PIP5K1A: variants seen among roughly 807,000 people sequenced by gnomAD.
PIP5K1A encodes phosphatidylinositol 4-phosphate 5-kinase type-1 alpha.
PIP5K1A carries 46 observed loss-of-function variants against 72.9 expected under a neutral mutation model. The ratio of observed to expected loss-of-function variants is 0.63; its 90% CI spans 0.50 to 0.81. The LOEUF (loss-of-function observed/expected upper bound fraction) is 0.81. Among genes scored for constraint, PIP5K1A ranks in the 30% least tolerant of loss-of-function variants. The probability of loss-of-function intolerance (pLI) is 0.00; values close to 1 mark genes in which losing one functional copy is unlikely to be tolerated. For missense variants in PIP5K1A, 458 were observed against 706.1 expected (o/e 0.65, Z 3.98); for synonymous variants, 228 against 255.1 (o/e 0.89, Z 1.01).
chr1:151,200,987 G>A (rs182272569), intron 1 of PIP5K1A, among the ~76,000 whole-genome samples: 48 of 152,046 alleles, frequency 3.2e-4, no homozygotes, highest in African/African-American at 1.1e-3. Context: ...CCACCACCAC[G>A]CCTGGCTAAT....
chr1:151,240,085 C>T, intron 12 of PIP5K1A, 46 bp downstream of exon 12: 2 of 1,369,704 alleles, frequency 1.5e-6, no homozygotes, highest in Non-Finnish European at 2.1e-6. Flanking sequence ...CCCAGTGGCT[C>T]CCTTACCCCA....
chr1:151,234,636 T>A, intron 8 of PIP5K1A, 140 bp downstream of exon 8: 2 of 649,880 alleles, frequency 3.1e-6, no homozygotes, highest in Non-Finnish European at 5.4e-6. Flanking sequence ...TCTTAATTAG[T>A]TCATTGCCAT....
At chr1:151,232,396 T>C (rs1558282427) in intron 6 of PIP5K1A, 31 bp downstream of exon 6, 1 of 1,524,394 alleles carries the variant, frequency 6.6e-7, no homozygotes. Flanking sequence ...ACACTGTGAC[T>C]CCAGTATCAG....
Position 151,239,988 on chromosome 1 carries a change from G to C in PIP5K1A, c.1312G>C (p.Ala438Pro), listed in dbSNP as rs772649098. 1 of 1,613,048 alleles carries C rather than the reference G, an allele frequency of 6.2e-7. No individual in the cohort carries two copies. Among genetic ancestry groups the C allele is most frequent in the Non-Finnish European group, 8.5e-7 (1 of 1,179,460 alleles). The change falls in exon 12 of 16, where the codon GCT (alanine) becomes CCT (proline). Residue 438 changes from alanine to proline, a missense_variant. By Grantham distance (27) the Ala-to-Pro change is conservative. Transcript: ENST00000368888. ...CTCAGTGCATCGCCCAGGCTTCTAC[G>C]CTGAACGGTTCCAGCGCTTCATGTG... ...TVSVHRPGFY[A>P]ERFQRFMCNT...
At chr1:151,205,792 C>T (rs1007047558) in intron 1 of PIP5K1A, among the ~76,000 whole-genome samples, 4 of 151,702 alleles carry the variant, frequency 2.6e-5, no homozygotes, top group African/African-American at 7.2e-5. Context: ...AGCAAGACTC[C>T]GTCTCAAAAA....
intron 1 of PIP5K1A, among the ~76,000 whole-genome samples, chr1:151,208,787 C>T (rs181309899): frequency 1.7e-5 from 2 of 118,544 alleles, no homozygotes; most frequent in East Asian, 2.8e-4. Flanking sequence ...GGCTGGGGTG[C>T]ACTGGTGCAA....
At position 151,231,562 on chromosome 1, in the gene PIP5K1A, TA is replaced by T. The variant is rs1488884354; in HGVS notation, c.238-106del. The T allele has an allele frequency of 5.4e-6, 5 of 932,546 alleles. No individual in the cohort carries two copies. In the East Asian group the frequency reaches 1.3e-4, roughly 23 times the overall value. 57.8% of individuals were successfully genotyped at this position (932,546 alleles called of 1,614,324 possible). On this transcript the variant is annotated intron_variant, in intron 4 of 15. Coordinates refer to ENST00000368888, the MANE Select transcript of PIP5K1A (RefSeq NM_001135638.2). ...GTTTTATCTGAACTATTGCTCAGAC[TA>T]AAGGATGTTTGTTTTAAAGTGTTCC...
chr1:151,240,258 A>AG (rs1691498397), intron 12 of PIP5K1A: 2 of 532,084 alleles, frequency 3.8e-6, no homozygotes, highest in Non-Finnish European at 6.6e-6. Flanking sequence ...TATGTCAATG[A>AG]GGTGAGGACC....
In PIP5K1A at chr1:151,242,435, C is replaced by T; in HGVS notation, c.1511-3C>T. ...TACCCCATCTTCTCTATCTTTTTTC[C>T]AGGCGTTCACCTTGGTCGTCCTGAT... On this transcript the variant is annotated splice_region_variant and splice_polypyrimidine_tract_variant and intron_variant, in intron 13 of 15. Transcript: ENST00000368888. 6.2e-7 allele frequency: 1 copy of T among 1,612,916 alleles called. No homozygotes were observed. The highest frequency in any genetic ancestry group is 1.3e-5 in the African/African-American group (1 of 74,860).
At chr1:151,216,613 C>G (rs1311239961) in intron 1 of PIP5K1A, among the ~76,000 whole-genome samples, 2 of 152,088 alleles carry the variant, frequency 1.3e-5, no homozygotes, top group African/African-American at 4.8e-5. Context: ...AAACCAGTCT[C>G]AACTCTTTTC....
intron 1 of PIP5K1A, among the ~76,000 whole-genome samples, chr1:151,208,064 G>T (rs1686197716): frequency 6.6e-6 from 1 of 151,622 alleles, no homozygotes; most frequent in Non-Finnish European, 1.5e-5. Context: ...TCTCCATGTT[G>T]GGTCAGGCTG....
At position 151,198,709 on chromosome 1, in the gene PIP5K1A, C is replaced by T. The variant is rs1684774932; in HGVS notation, c.-288C>T. 1 of 472,744 alleles carries T rather than the reference C, an allele frequency of 2.1e-6. No individual in the cohort carries two copies. Among genetic ancestry groups the T allele is most frequent in the Non-Finnish European group, 3.8e-6 (1 of 260,332 alleles). The allele number at this position is 472,744 out of a possible 1,614,324, so 29.3% of individuals were successfully genotyped here. A position where few individuals can be genotyped will look rare whatever the true frequency, so the allele number is the denominator to read the frequency against. ...GGTCTGGGCGCAAGGTCCCAGCAGC[C>T]AGCTTAAGCTTACTCTTCTGTGAAA... On this transcript the variant is annotated 5_prime_UTR_variant, in exon 1 of 16. The change creates a premature stop within an existing upstream ORF in the 5' untranslated region. Transcript: ENST00000368888.
At chr1:151,231,577 T>C (rs1690079104) in intron 4 of PIP5K1A, 94 bp from the exon 5 acceptor site, 4 of 1,119,988 alleles carry the variant, frequency 3.6e-6, no homozygotes, top group Middle Eastern at 2.8e-4. Flanking sequence ...GATGTTTGTT[T>C]TAAAGTGTTC....
chr1:151,205,471 G>A (rs1317450488), intron 1 of PIP5K1A, among the ~76,000 whole-genome samples: 1 of 151,848 alleles, frequency 6.6e-6, no homozygotes, highest in Non-Finnish European at 1.5e-5. Context: ...CTACTGCCCG[G>A]CCTCTCTCCT....
intron 9 of PIP5K1A, 75 bp from the exon 10 acceptor site, chr1:151,238,107 G>C: frequency 2.3e-6 from 2 of 853,984 alleles, no homozygotes; most frequent in Non-Finnish European, 4.0e-6. Context: ...GTTATGTGTA[G>C]GTTTCACTTC....
intron 1 of PIP5K1A, among the ~76,000 whole-genome samples, chr1:151,216,383 G>A (rs2102252276): frequency 6.6e-6 from 1 of 151,090 alleles, no homozygotes; most frequent in East Asian, 1.9e-4. Flanking sequence ...CAGACTTCTT[G>A]GAGTGGTAGT....
rs190842674 is a variant in PIP5K1A at position 151,236,787 on chromosome 1, G to A, written c.1145+24G>A. On this transcript the variant is annotated intron_variant, in intron 9 of 15. Transcript: ENST00000368888. ...CAGTAAGTGGGCTCAGGGCCACTAG[G>A]GGGGAGAACATAGGCCCACAGCACT... 1.1e-4 allele frequency: 165 copies of A among 1,531,418 alleles called. No individual in the cohort carries two copies. The East Asian group carries it at 1.6e-3, about 15-fold the overall frequency. The allele number at this position is 1,531,418 out of a possible 1,614,324, so 94.9% of individuals were successfully genotyped here.
intron 1 of PIP5K1A, among the ~76,000 whole-genome samples, chr1:151,203,816 C>G (rs1027132785): frequency 6.8e-6 from 1 of 147,942 alleles, no homozygotes; most frequent in African/African-American, 2.5e-5. Flanking sequence ...GAGTGAGACT[C>G]TGTCTCAAAA....
At chr1:151,199,951 G>A (rs1684982221) in intron 1 of PIP5K1A, among the ~76,000 whole-genome samples, 1 of 151,904 alleles carries the variant, frequency 6.6e-6, no homozygotes, top group African/African-American at 2.4e-5. Flanking sequence ...CCTTAGGGCC[G>A]CACAGGCACA....
Sources: allele counts gnomAD v4.1 joint callset (sites outside exome capture counted in the v4.1 genomes callset), GRCh38; gene constraint gnomAD v4.1.1; transcripts MANE v1.5; gene names NCBI Gene and HGNC (gene_info 2026-07-23, HGNC 2026-07-21).